The following EVC variants were observed in gnomAD, a reference collection of about 807,000 sequenced individuals.
EVC encodes the protein evC complex member EVC.
EVC carries 116 observed loss-of-function variants against 118.9 expected under a neutral mutation model. The ratio of observed to expected loss-of-function variants is 0.98; its 90% confidence interval spans 0.84 to 1.14. EVC has a LOEUF of 1.14. Among genes scored for constraint, EVC ranks in the 50% most tolerant of loss-of-function variants. The pLI, the probability that EVC is intolerant of heterozygous loss-of-function variation, is 0.00. For missense variants in EVC, 1,401 were observed against 1,246.4 expected (o/e 1.12, Z -1.87); for synonymous variants, 619 against 534.7 (o/e 1.16, Z -2.18).
Position 5,798,741 on chromosome 4 carries a change from T to C in EVC, c.2253T>C (p.His751=), listed in dbSNP as rs1050893127. 6.2e-7 allele frequency: 1 copy of C among 1,611,186 alleles called. No homozygotes were observed. Among genetic ancestry groups the C allele is most frequent in the Non-Finnish European group, 8.5e-7 (1 of 1,179,960 alleles). The part of the protein sequence containing the change: ...ECAIGQALLV[H]ARNAATKSRA... ...CCATTGGGCAGGCGCTGCTGGTGCATGCACGGAATGCAGCCACCAAGAGCC... is the reference window on the plus strand; with the variant it reads ...CCATTGGGCAGGCGCTGCTGGTGCACGCACGGAATGCAGCCACCAAGAGCC... Residue 751 remains histidine (H), a synonymous_variant, in exon 15 of 21, where the codon CAT becomes CAC. Coordinates refer to ENST00000264956, the MANE Select transcript of EVC (RefSeq NM_153717.3). The surrounding 1 kb of genome is among the most constrained non-coding windows in gnomAD (Gnocchi z 4.1).
chr4:5,738,721 C>A lies in EVC; in HGVS notation c.703-2995C>A, dbSNP rs1040993881. 6.6e-6 allele frequency among the ~76,000 whole-genome samples: 1 copy of A among 152,020 alleles called. No individual in the cohort carries two copies. Among genetic ancestry groups the A allele is most frequent in the African/African-American group, 2.4e-5 (1 of 41,380 alleles). On this transcript the variant is annotated intron_variant, in intron 5 of 20. Transcript: ENST00000264956. The surrounding 1 kb of genome is among the most constrained non-coding windows in gnomAD (Gnocchi z 6.5). ...AGCTGGGACCACAGGCGCGCACCAC[C>A]TCGCCCAGACAATTTTTGCATTTTT...
At chr4:5,767,866 G>A (rs188166337) in intron 11 of EVC, among the ~76,000 whole-genome samples, 75 of 152,254 alleles carry the variant, frequency 4.9e-4, no homozygotes, top group African/African-American at 1.6e-3. Flanking sequence ...CATCTTCTGC[G>A]TCGCTCACGC....
chr4:5,772,058 A>G (rs1188703951), intron 11 of EVC, among the ~76,000 whole-genome samples: 1 of 151,796 alleles, frequency 6.6e-6, no homozygotes. Context: ...CACCACGCCC[A>G]GCTAATTTTT....
At chr4:5,794,308 T>A (rs1187635491) in intron 13 of EVC, among the ~76,000 whole-genome samples, 20 of 79,240 alleles carry the variant, frequency 2.5e-4, no homozygotes, top group African/African-American at 1.3e-3. Flanking sequence ...TTTATATTTT[T>A]ATATATTTAT....
intron 17 of EVC, among the ~76,000 whole-genome samples, chr4:5,806,988 T>A (rs1716025315): frequency 1.3e-5 from 2 of 152,254 alleles, no homozygotes; most frequent in South Asian, 4.1e-4. Flanking sequence ...GTCTTTTTTT[T>A]AAGAACGTCT....
At chr4:5,753,092 C>T in intron 9 of EVC, 40 bp downstream of exon 9, 2 of 1,526,348 alleles carry the variant, frequency 1.3e-6, no homozygotes, top group Non-Finnish European at 1.8e-6. Flanking sequence ...ACAACACTGG[C>T]CTTCTGGGTC....
chr4:5,827,471 C>G, the EVC span, among the ~76,000 whole-genome samples: 22 of 152,308 alleles, frequency 1.4e-4, no homozygotes, highest in South Asian at 3.7e-3. Context: ...CAGAGCCTCC[C>G]AGTCCGGGCT....
chr4:5,713,237 A>G (rs1442437983), intron 1 of EVC, among the ~76,000 whole-genome samples: 1 of 152,202 alleles, frequency 6.6e-6, no homozygotes, highest in Non-Finnish European at 1.5e-5. Context: ...ATTTTGTTAC[A>G]GTTTGATGTG....
chr4:5,748,088 G>A (rs557948531), intron 7 of EVC, 60 bp from the exon 8 acceptor site: 64 of 1,564,828 alleles, frequency 4.1e-5, no homozygotes, highest in African/African-American at 1.1e-4. Flanking sequence ...AGCACGCACC[G>A]TTTGGCTTTC....
downstream of EVC, among the ~76,000 whole-genome samples, chr4:5,817,162 A>G (rs1455639596): frequency 6.6e-6 from 1 of 152,128 alleles, no homozygotes; most frequent in Non-Finnish European, 1.5e-5. Flanking sequence ...CTTTTTTGCT[A>G]TGAAACTGGA....
the EVC span, chr4:5,821,480 A>AAGAC: frequency 2.0e-6 from 1 of 493,642 alleles, no homozygotes; most frequent in Non-Finnish European, 3.7e-6. This position sits in a 1 kb window ranked among gnomAD's most constrained non-coding sequence, Gnocchi z 4.4. Context: ...GGGACAGAAC[A>AAGAC]AGACAATGCT....
chr4:5,814,943 ATAAC>A (rs1717446922), downstream of EVC, among the ~76,000 whole-genome samples: 1 of 151,884 alleles, frequency 6.6e-6, no homozygotes, highest in Non-Finnish European at 1.5e-5. Flanking sequence ...GAGCATATAA[ATAAC>A]CTTCCTTTAT....
In EVC at chr4:5,813,877, TGAA is replaced by T. The variant is rs1717282339; in HGVS notation, c.*2843_*2845del. 1 of 152,242 alleles carries T rather than the reference TGAA, an allele frequency of 6.6e-6. No homozygotes were observed. The highest frequency in any genetic ancestry group is 1.5e-5 in the Non-Finnish European group (1 of 68,046). The allele number at this position is 152,242 out of a possible 1,614,324, so 9.4% of individuals were successfully genotyped here. On this transcript the variant is annotated 3_prime_UTR_variant, in exon 21 of 21. Transcript: ENST00000264956. Reference sequence around the variant, plus strand: ...CAGTCTGGGGCACAGGCCTCCATGATGAAGACGCGTGGGCTGTCGGTGCTTTCA... The same window carrying T: ...CAGTCTGGGGCACAGGCCTCCATGATGACGCGTGGGCTGTCGGTGCTTTCA...
chr4:5,761,818 C>CGGTG (rs1732073674), intron 11 of EVC, among the ~76,000 whole-genome samples: 1 of 151,692 alleles, frequency 6.6e-6, no homozygotes, highest in African/African-American at 2.4e-5. Context: ...CCGACCTTTA[C>CGGTG]GGCACCGGGA....
Position 5,711,489 on chromosome 4 carries a change from G to C in EVC, c.109G>C (p.Ala37Pro), listed in dbSNP as rs939747914. 1.8e-6 allele frequency: 2 copies of C among 1,117,750 alleles called. No homozygotes were observed. Among genetic ancestry groups the C allele is most frequent in the Non-Finnish European group, 2.2e-6 (2 of 916,938 alleles). 69.2% of individuals were successfully genotyped at this position (1,117,750 alleles called of 1,614,324 possible). A position where few individuals can be genotyped will look rare whatever the true frequency, so the allele number is the denominator to read the frequency against. ...GGCCCCCGCCGTGCTGCTGGGCGCCGCGCTCGGCCTCGGCCTCGGCCTTTG... is the reference window on the plus strand; with the variant it reads ...GGCCCCCGCCGTGCTGCTGGGCGCCCCGCTCGGCCTCGGCCTCGGCCTTTG... ...LLAPAVLLGA[A>P]LGLGLGLWLG... Residue 37 changes from alanine to proline, a missense_variant, in exon 1 of 21, where the codon GCG becomes CCG. Ala to Pro is a conservative substitution (Grantham distance 27). Transcript: ENST00000264956.
rs1196026896 is a variant in EVC, at chr4:5,754,488, A to G, written c.1464+555A>G. On this transcript the variant is annotated intron_variant, in intron 10 of 20. Coordinates refer to ENST00000264956, the MANE Select transcript of EVC (RefSeq NM_153717.3). The surrounding 1 kb of genome is among the most constrained non-coding windows in gnomAD (Gnocchi z 5.8). ...ACAAAAAGCAAGATGTCACCCTCCAAGGAAAAGGAGTCAGCTGGCCCCAGT... is the reference window on the plus strand; with the variant it reads ...ACAAAAAGCAAGATGTCACCCTCCAGGGAAAAGGAGTCAGCTGGCCCCAGT... Among the ~76,000 whole-genome samples, 1 of 152,170 alleles carries G rather than the reference A, an allele frequency of 6.6e-6. No homozygotes were observed. Among genetic ancestry groups the G allele is most frequent in the Non-Finnish European group, 1.5e-5 (1 of 68,036 alleles).
rs369722491 is a variant in EVC at position 5,797,145 on chromosome 4, C to T, written c.2010C>T (p.Leu670=). 2.0e-5 allele frequency: 32 copies of T among 1,613,546 alleles called. No homozygotes were observed. Among genetic ancestry groups the T allele is most frequent in the Middle Eastern group, 1.6e-4 (1 of 6,080 alleles). ...TQMRLSGKKH[L]LQELREQRAL... is the part of the protein sequence containing the mutation. Reference sequence around the variant, plus strand: ...TGCGGCTATCGGGGAAGAAGCACCTCCTGCAGGAGCTGCGGGAACAGCGTG... The same window carrying T: ...TGCGGCTATCGGGGAAGAAGCACCTTCTGCAGGAGCTGCGGGAACAGCGTG... The change falls in exon 14 of 21, where the codon CTC becomes CTT. Residue 670 remains leucine (L), a synonymous_variant. Transcript: ENST00000264956.
At chr4:5,759,452 G>A (rs905525753) in intron 11 of EVC, among the ~76,000 whole-genome samples, 8 of 152,072 alleles carry the variant, frequency 5.3e-5, no homozygotes, top group East Asian at 1.9e-4. Context: ...ATTCCCAGCC[G>A]GGCCACTTAT....
At chr4:5,815,343 C>G (rs1351213691), downstream of EVC, among the ~76,000 whole-genome samples, 2 of 152,102 alleles carry the variant, frequency 1.3e-5, no homozygotes, top group African/African-American at 2.4e-5. Flanking sequence ...TGACCAAAGG[C>G]AGACCAATAG....
Sources: allele counts gnomAD v4.1 joint callset (sites outside exome capture counted in the v4.1 genomes callset), GRCh38; gene constraint gnomAD v4.1.1; non-coding constraint Gnocchi (gnomAD v3.1); transcripts MANE v1.5; gene names NCBI Gene and HGNC (gene_info 2026-07-23, HGNC 2026-07-21).